Variants in NDUFAF2 observed in about 807,000 individuals in gnomAD.
NDUFAF2 encodes the protein NADH dehydrogenase [ubiquinone] 1 alpha subcomplex assembly factor 2.
A neutral mutation model predicts 22.8 loss-of-function variants in NDUFAF2; 13 were observed. The observed-to-expected ratio is 0.57, with a 90% CI of 0.37 to 0.91. The LOEUF is 0.91. Ranked by LOEUF, NDUFAF2 falls within the 40% of genes least tolerant of loss-of-function variation. The pLI, the probability that NDUFAF2 is intolerant of heterozygous loss-of-function variation, is 0.01. For synonymous variants in NDUFAF2, 53 were observed against 64.2 expected (o/e 0.83, Z 0.84); for missense variants, 162 against 195.2 (o/e 0.83, Z 1.01).
chr5:61,035,727 G>A (rs902065149), intron 1 of NDUFAF2, among the ~76,000 whole-genome samples: 7 of 151,720 alleles, frequency 4.6e-5, no homozygotes, highest in African/African-American at 1.7e-4. Flanking sequence ...TAGACTTACC[G>A]AATGCTAAAC....
At chr5:60,993,270 T>C (rs895023343) in intron 1 of NDUFAF2, among the ~76,000 whole-genome samples, 7 of 152,216 alleles carry the variant, frequency 4.6e-5, no homozygotes, top group African/African-American at 1.4e-4. Flanking sequence ...GCAGCTTAGA[T>C]ACTCCAGGAA....
intron 2 of NDUFAF2, among the ~76,000 whole-genome samples, chr5:61,080,616 T>A (rs1329789748): frequency 6.6e-6 from 1 of 152,194 alleles, no homozygotes; most frequent in Non-Finnish European, 1.5e-5. Flanking sequence ...ATGACCTAGA[T>A]CATCTTTTCA....
chr5:61,109,372 A>G (rs1752807101), intron 3 of NDUFAF2, among the ~76,000 whole-genome samples: 1 of 152,224 alleles, frequency 6.6e-6, no homozygotes, highest in South Asian at 2.1e-4. Flanking sequence ...GTTTTTCCAA[A>G]TACAAGATTA....
intron 3 of NDUFAF2, among the ~76,000 whole-genome samples, chr5:61,105,042 C>G (rs1752745852): frequency 6.6e-6 from 1 of 151,878 alleles, no homozygotes; most frequent in South Asian, 2.1e-4. Flanking sequence ...TTATGGATTG[C>G]CAGCATTTGT....
At chr5:61,143,831 C>A (rs1290843961) in intron 3 of NDUFAF2, among the ~76,000 whole-genome samples, 1 of 151,972 alleles carries the variant, frequency 6.6e-6, no homozygotes, top group Non-Finnish European at 1.5e-5. Flanking sequence ...TTTTGAACTT[C>A]AGTTTGAACA....
chr5:60,996,017 G>A (rs547976211), intron 1 of NDUFAF2, among the ~76,000 whole-genome samples: 3 of 152,224 alleles, frequency 2.0e-5, no homozygotes, highest in Non-Finnish European at 4.4e-5. Context: ...ATGCTGCCTG[G>A]CCTAGGACTC....
intron 1 of NDUFAF2, among the ~76,000 whole-genome samples, chr5:60,980,904 G>A (rs1750968250): frequency 6.6e-6 from 1 of 152,012 alleles, no homozygotes; most frequent in African/African-American, 2.4e-5. Flanking sequence ...CAAAAGAAAT[G>A]AGAATAAAGA....
intron 1 of NDUFAF2, among the ~76,000 whole-genome samples, chr5:61,060,102 A>G (rs1306727654): frequency 6.6e-6 from 1 of 152,140 alleles, no homozygotes; most frequent in Non-Finnish European, 1.5e-5. Context: ...TAACTACCCT[A>G]TACCTTTTTT....
At chr5:60,994,206 A>G (rs1394822810) in intron 1 of NDUFAF2, among the ~76,000 whole-genome samples, 49 of 152,260 alleles carry the variant, frequency 3.2e-4, no homozygotes, top group Admixed American at 3.2e-3. Context: ...AGATAGGAGC[A>G]GGCACTAGGA....
intron 1 of NDUFAF2, among the ~76,000 whole-genome samples, chr5:60,999,183 A>G (rs1414672148): frequency 6.6e-6 from 1 of 151,724 alleles, no homozygotes; most frequent in Admixed American, 6.6e-5. Context: ...CTCAAGTTAA[A>G]CATTGAATTA....
chr5:61,019,124 GTTACCTTTC>G (rs1490097540), intron 1 of NDUFAF2, among the ~76,000 whole-genome samples: 1 of 151,946 alleles, frequency 6.6e-6, no homozygotes, highest in Non-Finnish European at 1.5e-5. Context: ...TTATCAAAAC[GTTACCTTTC>G]ATTTATAGGG....
chr5:60,959,148 A>C (rs1311086368), intron 1 of NDUFAF2, among the ~76,000 whole-genome samples: 2 of 152,154 alleles, frequency 1.3e-5, no homozygotes, highest in Non-Finnish European at 2.9e-5. Flanking sequence ...GGTCAGAATT[A>C]TAAGTCAAGT....
intron 1 of NDUFAF2, among the ~76,000 whole-genome samples, chr5:60,968,589 G>T: frequency 6.6e-6 from 1 of 151,298 alleles, no homozygotes. Context: ...TAATTTTTGT[G>T]GGTACATAGT....
chr5:61,106,412 G>A (rs1435608855), intron 3 of NDUFAF2, among the ~76,000 whole-genome samples: 1 of 151,150 alleles, frequency 6.6e-6, no homozygotes, highest in Non-Finnish European at 1.5e-5. Context: ...TTTTGATTTT[G>A]TGGGTACTTA....
intron 3 of NDUFAF2, 59 bp from the exon 4 acceptor site, chr5:61,152,645 T>C: frequency 8.0e-7 from 1 of 1,257,480 alleles, no homozygotes; most frequent in Non-Finnish European, 1.1e-6. Flanking sequence ...TGGCTATTTT[T>C]ATAAAAACTT....
Position 61,084,698 on chromosome 5 carries a change from A to G in NDUFAF2, c.217+11484A>G, listed in dbSNP as rs562935049. Among the ~76,000 whole-genome samples the G allele has an allele frequency of 1.6e-4, 24 of 152,280 alleles. No homozygotes were observed. The South Asian group carries it at 5.0e-3, about 32-fold the overall frequency. ...GAATAATATTCCATTGTATATAGAT[A>G]CCACATGTTGTTTATCCATTCATCG... On this transcript the variant is annotated intron_variant, in intron 2 of 3. Coordinates refer to ENST00000296597, the MANE Select transcript of NDUFAF2 (RefSeq NM_174889.5).
In NDUFAF2 at chr5:61,098,717, CAT is replaced by C. The variant is rs141032413; in HGVS notation, c.218-272_218-271del. Among the ~76,000 whole-genome samples, 549 of 152,224 alleles carry C rather than the reference CAT, an allele frequency of 3.6e-3. 6 individuals are homozygous for C. The highest frequency in any genetic ancestry group is 0.032 in the East Asian group (165 of 5,184). On this transcript the variant is annotated intron_variant, in intron 2 of 3. Coordinates refer to ENST00000296597, the MANE Select transcript of NDUFAF2 (RefSeq NM_174889.5). Reference sequence around the variant, plus strand: ...GATGATTAGGAGGTATGATTTTAAACATATGAAACTGTCCCCTCTTTATCTTC... The same window carrying C: ...GATGATTAGGAGGTATGATTTTAAACATGAAACTGTCCCCTCTTTATCTTC...
At chr5:61,005,616 T>A (rs1323069404) in intron 1 of NDUFAF2, among the ~76,000 whole-genome samples, 1 of 152,250 alleles carries the variant, frequency 6.6e-6, no homozygotes, top group Non-Finnish European at 1.5e-5. Context: ...CCTGATTTTT[T>A]AATGATCACC....
intron 1 of NDUFAF2, among the ~76,000 whole-genome samples, chr5:61,057,484 A>G (rs74578666): frequency 0.024 from 3,693 of 152,304 alleles, 62 homozygotes; most frequent in Non-Finnish European, 0.038. Context: ...GTAAATGAAT[A>G]TATGTATTCA....
Sources: allele counts gnomAD v4.1 joint callset (sites outside exome capture counted in the v4.1 genomes callset), GRCh38; gene constraint gnomAD v4.1.1; transcripts MANE v1.5; gene names NCBI Gene and HGNC (gene_info 2026-07-23, HGNC 2026-07-21).